SLC6A16: variants seen among roughly 807,000 people sequenced by gnomAD.
SLC6A16 encodes the protein orphan sodium- and chloride-dependent neurotransmitter transporter NTT5.
In SLC6A16, 54 loss-of-function variants were observed where a neutral mutation model predicts 65.4. The ratio of observed to expected loss-of-function variants is 0.83; its 90% confidence interval spans 0.66 to 1.04. The LOEUF is 1.04. Among genes scored for constraint, SLC6A16 ranks in the 50% least tolerant of loss-of-function variants. SLC6A16 has a pLI of 0.00. For missense variants in SLC6A16, 816 were observed against 914.0 expected, an observed-to-expected ratio of 0.89 and a Z score of 1.38; for synonymous variants, 330 against 346.5, an observed-to-expected ratio of 0.95 and a Z score of 0.53.
chr19:49,335,790 AG>A, the SLC6A16 span: 4 of 1,221,326 alleles, frequency 3.3e-6, no homozygotes, highest in African/African-American at 1.5e-5. This position sits in a 1 kb window ranked among gnomAD's most constrained non-coding sequence, Gnocchi z 4.6. Flanking sequence ...TTTGTGGGTG[AG>A]GGGGGCTGGG....
In SLC6A16 at chr19:49,309,817, C is replaced by T. The variant is rs752272167; in HGVS notation, c.710G>A (p.Cys237Tyr). ...TMNSSGFDPE[C>Y]ERTTPSIYFW... ...GTATATGGAGGGTGTTGTCCGTTCA[C>T]ATTCAGGATCTGGGGGGACCTGGCT... The change falls in exon 5 of 12, where the codon TGT becomes TAT. Residue 237 changes from cysteine (C) to tyrosine (Y), a missense_variant. Cys to Tyr is a radical substitution (Grantham distance 194). Coordinates refer to ENST00000335875, the MANE Select transcript of SLC6A16 (RefSeq NM_014037.3). The T allele has an allele frequency of 3.7e-6, 6 of 1,609,284 alleles. No individual in the cohort carries two copies. Among genetic ancestry groups the T allele is most frequent in the Non-Finnish European group, 4.3e-6 (5 of 1,176,192 alleles).
chr19:49,309,665 T>G lies in SLC6A16; in HGVS notation c.862A>C (p.Lys288Gln). Reference sequence around the variant, plus strand: ...TGGTGGCTCACCTTCCCAGTGGACTTGAGCCCATTGATCATGAAAGCACCA... The same window carrying G: ...TGGTGGCTCACCTTCCCAGTGGACTGGAGCCCATTGATCATGAAAGCACCA... ...LVGAFMINGL[K>Q]STGKVIYVLV... Residue 288 changes from lysine to glutamine, a missense_variant, in exon 5 of 12, where the codon AAG (lysine) becomes CAG (glutamine). Transcript: ENST00000335875. 3 of 1,613,530 alleles carry G rather than the reference T, an allele frequency of 1.9e-6. No individual in the cohort carries two copies. Among genetic ancestry groups the G allele is most frequent in the Non-Finnish European group, 2.5e-6 (3 of 1,179,500 alleles).
chr19:49,327,368 G>A (rs965256950), upstream of SLC6A16, among the ~76,000 whole-genome samples: 3 of 152,196 alleles, frequency 2.0e-5, no homozygotes, highest in African/African-American at 4.8e-5. Context: ...GATTACAGGC[G>A]TGAGCCACTG....
chr19:49,308,727 A>T, intron 7 of SLC6A16, 149 bp downstream of exon 7: 1 of 838,900 alleles, frequency 1.2e-6, no homozygotes, highest in Non-Finnish European at 1.9e-6. Flanking sequence ...TATTGTCTCC[A>T]TTTTTAGCTA....
At chr19:49,338,952 G>A in the SLC6A16 span, 1 of 1,600,778 alleles carries the variant, frequency 6.2e-7, no homozygotes, top group Non-Finnish European at 8.6e-7. This position sits in a 1 kb window ranked among gnomAD's most constrained non-coding sequence, Gnocchi z 5.0. Context: ...CAGGGGTTCG[G>A]AGCATAAACC....
the SLC6A16 span, among the ~76,000 whole-genome samples, chr19:49,334,788 A>C: frequency 6.6e-6 from 1 of 152,054 alleles, no homozygotes; most frequent in African/African-American, 2.4e-5. Context: ...AGCTACTCAG[A>C]AGGCAGAGGT....
At chr19:49,314,728 T>C (rs1418005911) in intron 1 of SLC6A16, among the ~76,000 whole-genome samples, 1 of 152,190 alleles carries the variant, frequency 6.6e-6, no homozygotes, top group Non-Finnish European at 1.5e-5. Flanking sequence ...CACAACATCA[T>C]TTCTGTGGGA....
At chr19:49,335,184 G>T in the SLC6A16 span, 1 of 271,848 alleles carries the variant, frequency 3.7e-6, no homozygotes, top group Non-Finnish European at 7.1e-6. This position sits in a 1 kb window ranked among gnomAD's most constrained non-coding sequence, Gnocchi z 4.6. Flanking sequence ...CCCAGAGGTG[G>T]GTTCCAGTAG....
At chr19:49,316,694 T>C (rs528240806) in intron 1 of SLC6A16, among the ~76,000 whole-genome samples, 1 of 151,568 alleles carries the variant, frequency 6.6e-6, no homozygotes, top group East Asian at 1.9e-4. Context: ...TTCCTGTGAG[T>C]AAAGCCAAAT....
chr19:49,336,814 A>ATAC, the SLC6A16 span: 1 of 1,377,744 alleles, frequency 7.3e-7, no homozygotes, highest in Non-Finnish European at 1.0e-6. Context: ...GGGCACCAAG[A>ATAC]TACTGCTCCC....
At chr19:49,328,364 A>G (rs745868607), upstream of SLC6A16, among the ~76,000 whole-genome samples, 1 of 152,190 alleles carries the variant, frequency 6.6e-6, no homozygotes, top group Non-Finnish European at 1.5e-5. Context: ...AACCACCCCC[A>G]TGATTCAGTT....
the SLC6A16 span, among the ~76,000 whole-genome samples, chr19:49,333,310 C>T: frequency 0.78 from 118,074 of 151,848 alleles, 46,522 homozygotes; most frequent in African/African-American, 0.91. Context: ...CCGTCTCTAC[C>T]AAAAATACAA....
chr19:49,301,346 T>A (rs1667432626), intron 7 of SLC6A16, among the ~76,000 whole-genome samples: 1 of 141,562 alleles, frequency 7.1e-6, no homozygotes. Context: ...TCCATTCACA[T>A]TTCCGTGGGG....
intron 1 of SLC6A16, among the ~76,000 whole-genome samples, chr19:49,317,391 T>C (rs1397712448): frequency 6.6e-6 from 1 of 151,364 alleles, no homozygotes. Flanking sequence ...AAAAGATAAT[T>C]TTAAGAAAAC....
In SLC6A16 at chr19:49,310,581, G is replaced by A. The variant is rs1014101280; in HGVS notation, c.416-71C>T. On this transcript the variant is annotated intron_variant, in intron 2 of 11. Transcript: ENST00000335875. ...CAGTGCCTGGACTCCAGGAGCCCAG[G>A]AAAACATTCTCCCTACCAGCGACCT... 1.3e-5 allele frequency: 20 copies of A among 1,557,490 alleles called. No individual in the cohort carries two copies. The Admixed American group carries it at 2.5e-4, about 20-fold the overall frequency.
chr19:49,290,864 G>A, intron 10 of SLC6A16, 97 bp from the exon 11 acceptor site: 6 of 988,608 alleles, frequency 6.1e-6, no homozygotes, highest in East Asian at 5.2e-5. Flanking sequence ...ACATTCTATT[G>A]TATCTCTAAT....
chr19:49,309,826 T>C lies in SLC6A16; in HGVS notation c.701A>G (p.Asp234Gly). Reference sequence around the variant, plus strand: ...GGGTGTTGTCCGTTCACATTCAGGATCTGGGGGGACCTGGCTTTAGACATG... The same window carrying C: ...GGGTGTTGTCCGTTCACATTCAGGACCTGGGGGGACCTGGCTTTAGACATG... ...CPLTMNSSGF[D>G]PECERTTPSI... The change falls in exon 5 of 12, where the codon GAT becomes GGT. Residue 234 changes from aspartate (D) to glycine (G), a missense_variant and splice_region_variant. By Grantham distance (94) the Asp-to-Gly change is moderately conservative. Transcript: ENST00000335875. 3.7e-6 allele frequency: 6 copies of C among 1,607,148 alleles called. No homozygotes were observed. The highest frequency in any genetic ancestry group is 5.1e-6 in the Non-Finnish European group (6 of 1,174,348).
chr19:49,338,151 C>T, the SLC6A16 span: 1 of 1,466,506 alleles, frequency 6.8e-7, no homozygotes, highest in Non-Finnish European at 9.0e-7. The surrounding 1 kb of genome is among the most constrained non-coding windows in gnomAD (Gnocchi z 5.0). Flanking sequence ...CCCAATCCCT[C>T]CCAGGCCCGA....
chr19:49,294,156 T>A, intron 8 of SLC6A16, 128 bp from the exon 9 acceptor site: 2 of 936,694 alleles, frequency 2.1e-6, no homozygotes, highest in South Asian at 3.4e-5. Flanking sequence ...GAAAATCAGA[T>A]GTCCAAGCTA....
Sources: gnomAD v4.1 joint callset for allele counts (sites outside exome capture counted in the v4.1 genomes callset) on GRCh38, gnomAD v4.1.1 for gene constraint, Gnocchi (gnomAD v3.1) non-coding constraint, MANE v1.5 for transcripts, NCBI Gene and HGNC (gene_info 2026-07-23, HGNC 2026-07-21) for gene names.